Variants in UBE2T observed in about 807,000 individuals in gnomAD.
The protein encoded by UBE2T is ubiquitin conjugating enzyme E2 T.
UBE2T carries 15 observed loss-of-function variants against 23.3 expected under a neutral mutation model. That is an observed-to-expected ratio of 0.64 (90% CI 0.43 to 0.99). The LOEUF is 0.99. UBE2T is among the 50% of genes least tolerant of loss of function. The pLI, the probability that UBE2T is intolerant of heterozygous loss-of-function variation, is 0.00. For missense variants in UBE2T, 197 were observed against 234.9 expected (o/e 0.84, Z 1.05); for synonymous variants, 67 against 78.4 (o/e 0.85, Z 0.77).
intron 3 of UBE2T, among the ~76,000 whole-genome samples, chr1:202,334,436 C>T (rs937103969): frequency 6.6e-6 from 1 of 152,114 alleles, no homozygotes; most frequent in Non-Finnish European, 1.5e-5. Flanking sequence ...GGCTTAGTAC[C>T]TGGGTGACAA....
intron 1 of UBE2T, among the ~76,000 whole-genome samples, 174 bp downstream of exon 1, chr1:202,341,721 T>A (rs890701986): frequency 2.0e-5 from 3 of 151,544 alleles, no homozygotes; most frequent in Admixed American, 2.0e-4. Flanking sequence ...CACGATTTCA[T>A]GCAAAGATAC....
At chr1:202,334,958 C>T in intron 3 of UBE2T, 31 bp downstream of exon 3, 1 of 1,595,324 alleles carries the variant, frequency 6.3e-7, no homozygotes, top group South Asian at 1.1e-5. Context: ...TGCACTTCAC[C>T]ATGTAGGTTG....
chr1:202,336,461 T>C (rs1470757292), intron 1 of UBE2T, among the ~76,000 whole-genome samples: 3 of 152,192 alleles, frequency 2.0e-5, no homozygotes, highest in Non-Finnish European at 2.9e-5. Context: ...AACGTTTATC[T>C]ATACAAGCAA....
chr1:202,340,417 G>C (rs918201140), intron 1 of UBE2T, among the ~76,000 whole-genome samples: 1 of 151,744 alleles, frequency 6.6e-6, no homozygotes, highest in Non-Finnish European at 1.5e-5. Context: ...GGAAGGCTGA[G>C]GCAGGAGAAT....
chr1:202,334,206 A>G (rs1472654769), intron 3 of UBE2T, among the ~76,000 whole-genome samples: 1 of 152,190 alleles, frequency 6.6e-6, no homozygotes, highest in Non-Finnish European at 1.5e-5. Context: ...TCACCTGATG[A>G]GAGCCTTAAA....
chr1:202,335,095 T>C lies in UBE2T; in HGVS notation c.110-37A>G, dbSNP rs1282926565. On this transcript the variant is annotated intron_variant, in intron 2 of 6. Coordinates refer to ENST00000646651, the MANE Select transcript of UBE2T (RefSeq NM_014176.4). This position sits in a 1 kb window ranked among gnomAD's most constrained non-coding sequence, Gnocchi z 4.0. ...AAAGAAAGAAAAAGTTAAAAGGGAA[T>C]CAGATCATTTGAATTACTACCATAT... 2.6e-6 allele frequency: 4 copies of C among 1,538,710 alleles called. No individual in the cohort carries two copies. Among genetic ancestry groups the C allele is most frequent in the Non-Finnish European group, 3.5e-6 (4 of 1,127,432 alleles).
chr1:202,335,994 T>G lies in UBE2T; in HGVS notation c.-64-176A>C, dbSNP rs1024485159. Among the ~76,000 whole-genome samples the G allele has an allele frequency of 6.7e-6, 1 of 149,992 alleles. No individual in the cohort carries two copies. Among genetic ancestry groups the G allele is most frequent in the African/African-American group, 2.5e-5 (1 of 40,662 alleles). ...TGACACCATCTCAGCTCACTGCAAT[T>G]TCCACCTTCTGGGTTTGAGCAATTC... On this transcript the variant is annotated intron_variant, in intron 1 of 6. Transcript: ENST00000646651. This position sits in a 1 kb window ranked among gnomAD's most constrained non-coding sequence, Gnocchi z 4.0.
At position 202,335,619 on chromosome 1, in the gene UBE2T, T is replaced by A. The variant is rs761186573; in HGVS notation, c.109+27A>T. ...ACAATCTTCAATAGGGTCATGACTT[T>A]CATCATATACATGATTTGATACCTA... On this transcript the variant is annotated intron_variant, in intron 2 of 6. Coordinates refer to ENST00000646651, the MANE Select transcript of UBE2T (RefSeq NM_014176.4). The surrounding 1 kb of genome is among the most constrained non-coding windows in gnomAD (Gnocchi z 4.0). 6.3e-7 allele frequency: 1 copy of A among 1,593,584 alleles called. No individual in the cohort carries two copies. The highest frequency in any genetic ancestry group is 2.2e-5 in the East Asian group (1 of 44,800).
intron 3 of UBE2T, among the ~76,000 whole-genome samples, chr1:202,334,515 C>T (rs752397129): frequency 2.0e-5 from 3 of 152,052 alleles, no homozygotes; most frequent in East Asian, 1.9e-4. Context: ...ACATGTACCC[C>T]GGAACCTAAA....
In UBE2T at chr1:202,335,515, G is replaced by A. The variant is rs537286432; in HGVS notation, c.109+131C>T. ...ACCTTTTATAAATGTAAACAAATTT[G>A]GGTAGAAAGATGGTAGGGCACTCTG... On this transcript the variant is annotated intron_variant, in intron 2 of 6. Transcript: ENST00000646651. The surrounding 1 kb of genome is among the most constrained non-coding windows in gnomAD (Gnocchi z 4.0). 1 of 803,158 alleles carries A rather than the reference G, an allele frequency of 1.2e-6. No homozygotes were observed. Among genetic ancestry groups the A allele is most frequent in the East Asian group, 2.6e-5 (1 of 38,610 alleles). The allele number at this position is 803,158 out of a possible 1,614,324, so 49.8% of individuals were successfully genotyped here. A position where few individuals can be genotyped will look rare whatever the true frequency, so the allele number is the denominator to read the frequency against.
At chr1:202,338,457 G>A (rs1654932828) in intron 1 of UBE2T, among the ~76,000 whole-genome samples, 1 of 152,084 alleles carries the variant, frequency 6.6e-6, no homozygotes, top group Non-Finnish European at 1.5e-5. Context: ...CGGACCTCAG[G>A]TAATCCACCC....
At position 202,333,353 on chromosome 1, in the gene UBE2T, A is replaced by G; in HGVS notation, c.286-18T>C. ...CAAGCACCCTATATACAAACAGATGAACAGTTGCTTTTATATTAGAATGTG... is the reference window on the plus strand; with the variant it reads ...CAAGCACCCTATATACAAACAGATGGACAGTTGCTTTTATATTAGAATGTG... On this transcript the variant is annotated intron_variant, in intron 4 of 6. Transcript: ENST00000646651. 1.2e-6 allele frequency: 2 copies of G among 1,613,996 alleles called. No individual in the cohort carries two copies. Among genetic ancestry groups the G allele is most frequent in the African/African-American group, 2.7e-5 (2 of 75,040 alleles).
intron 3 of UBE2T, among the ~76,000 whole-genome samples, chr1:202,333,998 T>C (rs1227152334): frequency 6.6e-6 from 1 of 152,138 alleles, no homozygotes; most frequent in Non-Finnish European, 1.5e-5. Context: ...TTGGTTATTA[T>C]GTATCTTTAG....
At chr1:202,333,728 TCAG>T (rs1654819307) in intron 3 of UBE2T, among the ~76,000 whole-genome samples, 173 bp from the exon 4 acceptor site, 1 of 152,094 alleles carries the variant, frequency 6.6e-6, no homozygotes, top group Non-Finnish European at 1.5e-5. Flanking sequence ...TTAAAATAAA[TCAG>T]TTTGAAATAA....
chr1:202,334,547 C>CG (rs1464136230), intron 3 of UBE2T, among the ~76,000 whole-genome samples: 4 of 151,956 alleles, frequency 2.6e-5, no homozygotes, highest in Admixed American at 2.0e-4. Flanking sequence ...AAGAAAAAGC[C>CG]GGGGGGAGCT....
chr1:202,339,649 A>AT (rs1316377999), intron 1 of UBE2T, among the ~76,000 whole-genome samples: 4 of 149,838 alleles, frequency 2.7e-5, no homozygotes, highest in African/African-American at 9.8e-5. Context: ...CGTACTATAC[A>AT]TTTTTTCTTG....
At position 202,331,896 on chromosome 1, in the gene UBE2T, G is replaced by A; in HGVS notation, c.533C>T (p.Thr178Ile). 1 of 1,614,058 alleles carries A rather than the reference G, an allele frequency of 6.2e-7. No individual in the cohort carries two copies. The highest frequency in any genetic ancestry group is 1.7e-5 in the Admixed American group (1 of 60,016). Reference protein sequence around the residue: ...EAGDSRVHNSTQKRKASQLVG... With the variant: ...EAGDSRVHNSIQKRKASQLVG... ...TAGCTGACTGGCCTTCCTTTTCTGT[G>A]TTGAGTTGTGTACTCTGGAGTCACC... is the stretch of plus-strand genomic sequence containing the variant. Residue 178 changes from threonine (T) to isoleucine (I), a missense_variant, in exon 7 of 7, where the codon ACA (threonine) becomes ATA (isoleucine). By Grantham distance (89) the Thr-to-Ile change is moderately conservative. Coordinates refer to ENST00000646651, the MANE Select transcript of UBE2T (RefSeq NM_014176.4).
Position 202,335,211 on chromosome 1 carries a change from C to T in UBE2T, c.110-153G>A. 1 of 627,106 alleles carries T rather than the reference C, an allele frequency of 1.6e-6. No individual in the cohort carries two copies. The allele number at this position is 627,106 out of a possible 1,614,324, so 38.8% of individuals were successfully genotyped here. A position where few individuals can be genotyped will look rare whatever the true frequency, so the allele number is the denominator to read the frequency against. ...CTTTAACAAGTCCTCATGCAACACA[C>T]CACAATGCTAATGTACTCAAAAAGT... On this transcript the variant is annotated intron_variant, in intron 2 of 6. Coordinates refer to ENST00000646651, the MANE Select transcript of UBE2T (RefSeq NM_014176.4). This position sits in a 1 kb window ranked among gnomAD's most constrained non-coding sequence, Gnocchi z 4.0.
At chr1:202,338,889 A>G (rs1006230176) in intron 1 of UBE2T, among the ~76,000 whole-genome samples, 6 of 151,864 alleles carry the variant, frequency 4.0e-5, no homozygotes, top group Non-Finnish European at 7.4e-5. Context: ...CAGCCAAAAA[A>G]AAAAAAGAAA....
Sources: allele counts gnomAD v4.1 joint callset (sites outside exome capture counted in the v4.1 genomes callset), GRCh38; gene constraint gnomAD v4.1.1; non-coding constraint Gnocchi (gnomAD v3.1); transcripts MANE v1.5; gene names NCBI Gene and HGNC (gene_info 2026-07-23, HGNC 2026-07-21).